Variants in SLC9B2 observed in about 807,000 individuals in gnomAD.
SLC9B2 encodes the protein solute carrier family 9 member B2, also known as sodium/hydrogen exchanger 9B2.
In SLC9B2, 39 loss-of-function variants were observed where a neutral mutation model predicts 52.2. That is an observed-to-expected ratio of 0.75 (90% CI 0.58 to 0.98). The LOEUF is 0.98. SLC9B2 is among the 50% of genes least tolerant of loss of function. SLC9B2 has a pLI of 0.00. For synonymous variants in SLC9B2, 214 were observed against 227.0 expected (o/e 0.94, Z 0.51); for missense variants, 626 against 637.5 (o/e 0.98, Z 0.19).
chr4:103,057,801 C>T lies in SLC9B2; in HGVS notation c.442G>A (p.Gly148Ser). 1 of 1,612,388 alleles carries T rather than the reference C, an allele frequency of 6.2e-7. No individual in the cohort carries two copies. Among genetic ancestry groups the T allele is most frequent in the Non-Finnish European group, 8.5e-7 (1 of 1,179,598 alleles). The change falls in exon 4 of 12, where the codon GGC becomes AGC. Residue 148 changes from glycine to serine, a missense_variant and splice_region_variant. Gly to Ser is a moderately conservative substitution (Grantham distance 56, BLOSUM62 0). Coordinates refer to ENST00000394785, the MANE Select transcript of SLC9B2 (RefSeq NM_178833.7). ...AGAACAGGAAACATTTAGCACTTAC[C>T]AAGAAGAGAAGGCAGTGGAGGCAAT... ...PTLPPLPSLL[G>S]MLLAGFLIRN...
intron 7 of SLC9B2, among the ~76,000 whole-genome samples, chr4:103,046,478 C>G (rs1362379859): frequency 2.6e-5 from 4 of 152,016 alleles, no homozygotes; most frequent in African/African-American, 9.7e-5. Context: ...AACAAAATAC[C>G]TCAATTTCAG....
rs200912623 is a variant in SLC9B2, at chr4:103,055,838, C to T, written c.442+1963G>A. 7.3e-4 allele frequency among the ~76,000 whole-genome samples: 106 copies of T among 145,890 alleles called. 1 individual carries two copies. In the East Asian group the frequency reaches 0.02, roughly 27 times the overall value. ...TTTTTTTTTGAGGCGGATTCTCGCT[C>T]GGTCACCCAGGCTGGAGTGCAGTGG... On this transcript the variant is annotated intron_variant, in intron 4 of 11. Transcript: ENST00000394785.
At chr4:103,066,841 C>T (rs189872190) in intron 2 of SLC9B2, among the ~76,000 whole-genome samples, 3 of 152,046 alleles carry the variant, frequency 2.0e-5, no homozygotes, top group African/African-American at 7.2e-5. Flanking sequence ...AGGTAACAGT[C>T]AAATGCAACT....
At chr4:103,033,984 G>C (rs1742928717) in intron 9 of SLC9B2, among the ~76,000 whole-genome samples, 1 of 152,040 alleles carries the variant, frequency 6.6e-6, no homozygotes, top group Non-Finnish European at 1.5e-5. Flanking sequence ...CCAAAAAAGA[G>C]CCCGAATAGC....
intron 9 of SLC9B2, among the ~76,000 whole-genome samples, chr4:103,040,211 A>G (rs377427905): frequency 6.6e-6 from 1 of 152,236 alleles, no homozygotes; most frequent in Non-Finnish European, 1.5e-5. Context: ...GAACAATATA[A>G]AAAGGTACAA....
At chr4:103,040,366 G>A (rs1743529183) in intron 9 of SLC9B2, among the ~76,000 whole-genome samples, 1 of 152,120 alleles carries the variant, frequency 6.6e-6, no homozygotes, top group Admixed American at 6.5e-5. Context: ...TGTAGACAAA[G>A]GCCACAATTT....
chr4:103,074,102 C>T (rs1746908288), intron 1 of SLC9B2, among the ~76,000 whole-genome samples: 1 of 152,134 alleles, frequency 6.6e-6, no homozygotes, highest in Non-Finnish European at 1.5e-5. Flanking sequence ...AAATCCTCTC[C>T]TCTTTTTGTC....
Position 103,043,391 on chromosome 4 carries a change from C to CAGCT in SLC9B2, c.1047_1050dup (p.Val351SerfsTer37). 2 of 1,613,582 alleles carry CAGCT rather than the reference C, an allele frequency of 1.2e-6. No homozygotes were observed. Among genetic ancestry groups the CAGCT allele is most frequent in the Non-Finnish European group, 1.7e-6 (2 of 1,179,786 alleles). On this transcript the variant is annotated frameshift_variant, in exon 9 of 12. Coordinates refer to ENST00000394785, the MANE Select transcript of SLC9B2 (RefSeq NM_178833.7). ...AAACCAAAATGCACACTGCTGAACA[C>CAGCT]AGCTAGCACAGACAACCCCAACACA...
intron 4 of SLC9B2, among the ~76,000 whole-genome samples, chr4:103,056,170 T>C (rs1490088369): frequency 6.6e-6 from 1 of 152,128 alleles, no homozygotes; most frequent in African/African-American, 2.4e-5. Flanking sequence ...AATTTGTGTA[T>C]GTGTCTTGTT....
At chr4:103,044,521 G>A (rs1743929143) in intron 8 of SLC9B2, among the ~76,000 whole-genome samples, 1 of 152,170 alleles carries the variant, frequency 6.6e-6, no homozygotes, top group Non-Finnish European at 1.5e-5. Flanking sequence ...GGGACTACCA[G>A]GCCTGGCTAG....
At chr4:103,028,959 A>G in intron 10 of SLC9B2, 76 bp from the exon 11 acceptor site, 1 of 1,204,326 alleles carries the variant, frequency 8.3e-7, no homozygotes, top group Non-Finnish European at 1.1e-6. Flanking sequence ...CTAATTCAAA[A>G]TAACCATCAA....
intron 9 of SLC9B2, among the ~76,000 whole-genome samples, chr4:103,037,727 T>A (rs1324811696): frequency 6.6e-6 from 1 of 152,240 alleles, no homozygotes; most frequent in African/African-American, 2.4e-5. Flanking sequence ...AAGGTTTATA[T>A]TAGATAACAT....
Position 103,026,587 on chromosome 4 carries a change from G to A in SLC9B2, c.1397C>T (p.Ala466Val). 6.2e-7 allele frequency: 1 copy of A among 1,609,756 alleles called. No individual in the cohort carries two copies. Among genetic ancestry groups the A allele is most frequent in the Non-Finnish European group, 8.5e-7 (1 of 1,177,440 alleles). ...AWLPKATVQA[A>V]IGSVALDTAR... ...TGTGTCCAAAGCCACAGATCCTATT[G>A]CAGCCTATAAAAGTTTAAGGGTAAA... The change falls in exon 12 of 12, where the codon GCA (alanine) becomes GTA (valine). Residue 466 changes from alanine to valine, a missense_variant. Transcript: ENST00000394785.
chr4:103,043,488 C>T, intron 8 of SLC9B2, 43 bp from the exon 9 acceptor site: 1 of 1,537,910 alleles, frequency 6.5e-7, no homozygotes, highest in Non-Finnish European at 8.8e-7. Context: ...TTTCAAATCC[C>T]TGATTTTTAA....
downstream of SLC9B2, chr4:103,019,492 G>T (rs988246257): frequency 4.1e-6 from 3 of 723,348 alleles, no homozygotes; most frequent in Admixed American, 1.3e-4. Flanking sequence ...TTGAACTGAG[G>T]GGGAGGAAAG....
chr4:103,070,938 G>C (rs549675450), intron 1 of SLC9B2, among the ~76,000 whole-genome samples: 1 of 151,932 alleles, frequency 6.6e-6, no homozygotes, highest in Non-Finnish European at 1.5e-5. Context: ...GACAGAGCAA[G>C]ACTGTATAAA....
chr4:103,030,889 C>G (rs1276172532), intron 10 of SLC9B2, among the ~76,000 whole-genome samples: 1 of 152,100 alleles, frequency 6.6e-6, no homozygotes. Flanking sequence ...ATGAGTCTGA[C>G]TACTCTGGAT....
chr4:103,067,029 T>C (rs1746196180), intron 2 of SLC9B2, among the ~76,000 whole-genome samples: 1 of 151,928 alleles, frequency 6.6e-6, no homozygotes, highest in South Asian at 2.1e-4. Flanking sequence ...GTCCCAAGCA[T>C]TTCAGATAAG....
intron 2 of SLC9B2, 85 bp downstream of exon 2, chr4:103,067,376 G>C: frequency 8.0e-7 from 1 of 1,257,090 alleles, no homozygotes; most frequent in African/African-American, 1.5e-5. Context: ...ACCTGCCTTG[G>C]ATTGTGTAAG....
Sources: gnomAD v4.1 joint callset for allele counts (sites outside exome capture counted in the v4.1 genomes callset) on GRCh38, gnomAD v4.1.1 for gene constraint, MANE v1.5 for transcripts, NCBI Gene and HGNC (gene_info 2026-07-23, HGNC 2026-07-21) for gene names.